Variants in SUGCT observed in about 807,000 individuals in gnomAD.
SUGCT encodes the protein succinyl-CoA:glutarate CoA-transferase.
SUGCT carries 41 observed loss-of-function variants against 55.0 expected under a neutral mutation model. That is an observed-to-expected ratio of 0.74 (90% CI 0.58 to 0.97). The LOEUF is 0.97. Ranked by LOEUF, SUGCT falls within the 50% of genes least tolerant of loss-of-function variation. SUGCT has a pLI of 0.00. For missense variants in SUGCT, 568 were observed against 547.8 expected (o/e 1.04, Z -0.37); for synonymous variants, 187 against 200.4 (o/e 0.93, Z 0.56).
intron 1 of SUGCT, among the ~76,000 whole-genome samples, chr7:40,139,188 C>T (rs1787859598): frequency 6.7e-6 from 1 of 150,162 alleles, no homozygotes; most frequent in South Asian, 2.1e-4. Context: ...ATCCAGGATT[C>T]ATAATATTAA....
At chr7:40,519,645 C>T (rs1264504006) in intron 12 of SUGCT, among the ~76,000 whole-genome samples, 4 of 151,802 alleles carry the variant, frequency 2.6e-5, no homozygotes, top group East Asian at 3.9e-4. Flanking sequence ...AATAAATTGC[C>T]AGGAGAATAG....
chr7:40,785,578 C>T (rs531837278), intron 13 of SUGCT, among the ~76,000 whole-genome samples: 147 of 152,244 alleles, frequency 9.7e-4, no homozygotes, highest in African/African-American at 3.4e-3. Context: ...CAGCAAGACA[C>T]AGTGGCTCAC....
intron 9 of SUGCT, among the ~76,000 whole-genome samples, chr7:40,445,580 T>C (rs1788781849): frequency 6.6e-6 from 1 of 152,148 alleles, no homozygotes; most frequent in Non-Finnish European, 1.5e-5. Flanking sequence ...AAAGAGGAAC[T>C]GGTACCATTC....
chr7:40,476,932 T>C (rs2151480613), intron 11 of SUGCT, among the ~76,000 whole-genome samples: 1 of 152,194 alleles, frequency 6.6e-6, no homozygotes, highest in East Asian at 1.9e-4. Flanking sequence ...CAGTAGTCCC[T>C]GTACTTGGAG....
intron 9 of SUGCT, among the ~76,000 whole-genome samples, chr7:40,337,746 A>T (rs1796798228): frequency 6.6e-6 from 1 of 152,144 alleles, no homozygotes; most frequent in South Asian, 2.1e-4. Flanking sequence ...TAGCCCATTT[A>T]CATTTAAGGT....
At chr7:40,641,582 C>G (rs1800270869) in intron 12 of SUGCT, among the ~76,000 whole-genome samples, 2 of 152,152 alleles carry the variant, frequency 1.3e-5, no homozygotes, top group African/African-American at 4.8e-5. Flanking sequence ...GTTTTGGAAT[C>G]TTTACAAGGC....
intron 9 of SUGCT, among the ~76,000 whole-genome samples, chr7:40,370,199 C>T (rs1784222518): frequency 6.6e-6 from 1 of 152,230 alleles, no homozygotes; most frequent in South Asian, 2.1e-4. Context: ...ATCACATCTG[C>T]GTCCCTTTCC....
At chr7:40,396,964 T>G (rs1326894454) in intron 9 of SUGCT, among the ~76,000 whole-genome samples, 1 of 152,160 alleles carries the variant, frequency 6.6e-6, no homozygotes, top group Non-Finnish European at 1.5e-5. Flanking sequence ...TTCAACAAGT[T>G]TGATTTTATA....
At chr7:40,891,710 T>C in the SUGCT span, among the ~76,000 whole-genome samples, 1 of 152,076 alleles carries the variant, frequency 6.6e-6, no homozygotes, top group African/African-American at 2.4e-5. Context: ...GCTGAAAACA[T>C]ATGAAAATAT....
At chr7:40,425,733 A>G (rs1456996416) in intron 9 of SUGCT, among the ~76,000 whole-genome samples, 1 of 152,116 alleles carries the variant, frequency 6.6e-6, no homozygotes, top group African/African-American at 2.4e-5. Context: ...GCCATTGATA[A>G]TGGATATTGT....
chr7:40,434,019 T>G (rs1788045341), intron 9 of SUGCT, among the ~76,000 whole-genome samples: 1 of 152,188 alleles, frequency 6.6e-6, no homozygotes, highest in Non-Finnish European at 1.5e-5. Context: ...TATAAGTGGT[T>G]TTAGAGATCT....
intron 13 of SUGCT, among the ~76,000 whole-genome samples, chr7:40,757,290 G>A (rs73125725): frequency 0.036 from 5,466 of 152,248 alleles, 122 homozygotes; most frequent in Non-Finnish European, 0.052. Flanking sequence ...AGTTACTGTC[G>A]CTGATACAAC....
At chr7:40,935,976 C>A in the SUGCT span, among the ~76,000 whole-genome samples, 1 of 152,078 alleles carries the variant, frequency 6.6e-6, no homozygotes, top group Non-Finnish European at 1.5e-5. Context: ...TTTTGATGTT[C>A]ATTTCACTGA....
chr7:40,629,667 T>C (rs956579582), intron 12 of SUGCT, among the ~76,000 whole-genome samples: 6 of 152,128 alleles, frequency 3.9e-5, no homozygotes, highest in African/African-American at 1.4e-4. Flanking sequence ...CAGGGAAAGT[T>C]ATTGTTCAGA....
chr7:40,611,766 C>G (rs942034955), intron 12 of SUGCT, among the ~76,000 whole-genome samples: 1 of 152,070 alleles, frequency 6.6e-6, no homozygotes, highest in African/African-American at 2.4e-5. Context: ...ATTTTATAAT[C>G]CTATTAAGGC....
At chr7:40,157,125 T>C (rs1320107129) in intron 1 of SUGCT, among the ~76,000 whole-genome samples, 1 of 152,076 alleles carries the variant, frequency 6.6e-6, no homozygotes, top group East Asian at 1.9e-4. Flanking sequence ...AAAAGATGAC[T>C]TAAGGGATAT....
At position 40,199,126 on chromosome 7, in the gene SUGCT, C is replaced by T. The variant is rs57165035; in HGVS notation, c.484+4066C>T. 1.1e-3 allele frequency among the ~76,000 whole-genome samples: 170 copies of T among 152,014 alleles called. 1 individual carries two copies. The highest frequency in any genetic ancestry group is 4.0e-3 in the African/African-American group (165 of 41,482). ...AGATCCTAGACTTTCCTGATATTTC[C>T]CAATGGTATTGCTCTCTTGTCAGTG... On this transcript the variant is annotated intron_variant, in intron 6 of 13. Coordinates refer to ENST00000335693, the MANE Select transcript of SUGCT (RefSeq NM_001193313.2).
chr7:41,015,282 AT>A, the SUGCT span, among the ~76,000 whole-genome samples: 1 of 151,572 alleles, frequency 6.6e-6, no homozygotes, highest in Non-Finnish European at 1.5e-5. Flanking sequence ...GACGGTGGTG[AT>A]GATGATGATA....
chr7:40,588,082 T>C (rs1440841624), intron 12 of SUGCT, among the ~76,000 whole-genome samples: 1 of 152,040 alleles, frequency 6.6e-6, no homozygotes, highest in East Asian at 1.9e-4. Context: ...TTTGTATTTT[T>C]AGTAGAGACA....
Sources: gnomAD v4.1 joint callset for allele counts (sites outside exome capture counted in the v4.1 genomes callset) on GRCh38, gnomAD v4.1.1 for gene constraint, MANE v1.5 for transcripts, NCBI Gene and HGNC (gene_info 2026-07-23, HGNC 2026-07-21) for gene names.